The following VPS13B variants were observed in gnomAD, a reference collection of about 807,000 sequenced individuals.
VPS13B encodes the protein intermembrane lipid transfer protein VPS13B.
In VPS13B, 285 loss-of-function variants were observed where a neutral mutation model predicts 426.4. The ratio of observed to expected loss-of-function variants is 0.67; its 90% confidence interval spans 0.61 to 0.74. The LOEUF (loss-of-function observed/expected upper bound fraction) is 0.74. VPS13B is among the 30% of genes least tolerant of loss of function. VPS13B has a pLI of 0.00. For synonymous variants in VPS13B, 1,676 were observed against 1,676.4 expected (o/e 1.00, Z 0.01); for missense variants, 4,537 against 4,782.6 (o/e 0.95, Z 1.51).
intron 19 of VPS13B, among the ~76,000 whole-genome samples, chr8:99,344,012 T>C (rs1177071015): frequency 6.6e-6 from 1 of 152,198 alleles, no homozygotes; most frequent in Non-Finnish European, 1.5e-5. Flanking sequence ...CAAAACGGTC[T>C]TGACCAAAAA....
intron 23 of VPS13B, among the ~76,000 whole-genome samples, chr8:99,452,326 G>A (rs192891127): frequency 3.9e-5 from 6 of 152,222 alleles, no homozygotes; most frequent in Admixed American, 1.3e-4. Flanking sequence ...CTCCAACTCT[G>A]TGCTGTCTTT....
chr8:99,466,802 C>A (rs1819133488), intron 23 of VPS13B, among the ~76,000 whole-genome samples: 1 of 152,140 alleles, frequency 6.6e-6, no homozygotes, highest in Admixed American at 6.6e-5. Context: ...TTTAAACCAG[C>A]ATCCCACATG....
At chr8:99,101,294 G>T (rs559978664) in intron 4 of VPS13B, among the ~76,000 whole-genome samples, 1 of 152,098 alleles carries the variant, frequency 6.6e-6, no homozygotes, top group South Asian at 2.1e-4. Context: ...ACCACGCCCG[G>T]CTAATTTTTT....
chr8:99,137,693 C>G (rs1446847777), intron 12 of VPS13B, among the ~76,000 whole-genome samples: 1 of 152,092 alleles, frequency 6.6e-6, no homozygotes, highest in Non-Finnish European at 1.5e-5. Context: ...ATTGGTCAAT[C>G]CTTAATTTCT....
chr8:99,802,376 C>G (rs1162937115), intron 43 of VPS13B, among the ~76,000 whole-genome samples: 1 of 152,068 alleles, frequency 6.6e-6, no homozygotes, highest in African/African-American at 2.4e-5. Context: ...GGAGGTTGAA[C>G]TTGAATTTTT....
At chr8:99,367,593 A>G (rs1812961323) in intron 19 of VPS13B, among the ~76,000 whole-genome samples, 2 of 152,142 alleles carry the variant, frequency 1.3e-5, no homozygotes, top group Non-Finnish European at 2.9e-5. Context: ...CTACACCTAT[A>G]TCTCTCCCTG....
At chr8:99,303,770 TGTGATTGTGTGTTGCTGTGGTTCA>T (rs1377052138) in intron 19 of VPS13B, among the ~76,000 whole-genome samples, 1 of 150,840 alleles carries the variant, frequency 6.6e-6, no homozygotes, top group Non-Finnish European at 1.5e-5. Context: ...GTTTCTTTCT[TGTGATTGTGTGTTGCTGTGGTTCA>T]GTGATTGTGT....
intron 3 of VPS13B, among the ~76,000 whole-genome samples, chr8:99,048,902 A>G (rs1843372843): frequency 6.6e-6 from 1 of 151,358 alleles, no homozygotes; most frequent in South Asian, 2.1e-4. Flanking sequence ...ATAGCCTTTT[A>G]TCATTATATA....
chr8:99,148,900 G>A (rs1810902872), intron 14 of VPS13B, among the ~76,000 whole-genome samples: 1 of 152,240 alleles, frequency 6.6e-6, no homozygotes, highest in Admixed American at 6.5e-5. Flanking sequence ...TATGTGGAAA[G>A]CCCATAACTC....
intron 19 of VPS13B, among the ~76,000 whole-genome samples, chr8:99,331,346 T>C (rs959639328): frequency 6.6e-6 from 1 of 151,800 alleles, no homozygotes; most frequent in African/African-American, 2.4e-5. Flanking sequence ...AGCTACTACA[T>C]TGACAGGTAA....
At chr8:99,696,730 G>T in intron 35 of VPS13B, 2 of 1,003,084 alleles carry the variant, frequency 2.0e-6, no homozygotes, top group Non-Finnish European at 3.2e-6. Context: ...TTTCCCAGAA[G>T]ATCCGGGGGA....
intron 3 of VPS13B, among the ~76,000 whole-genome samples, chr8:99,066,723 G>C (rs896237914): frequency 1.3e-5 from 2 of 152,158 alleles, no homozygotes; most frequent in African/African-American, 2.4e-5. Context: ...GCAACCTACA[G>C]AATAGGAGAA....
chr8:99,236,599 A>G (rs920861159), intron 17 of VPS13B, among the ~76,000 whole-genome samples: 1 of 152,196 alleles, frequency 6.6e-6, no homozygotes, highest in African/African-American at 2.4e-5. Flanking sequence ...TAATGACTTT[A>G]AAGTTTGAAA....
At chr8:99,690,313 T>G (rs1354310239) in intron 35 of VPS13B, among the ~76,000 whole-genome samples, 1 of 152,196 alleles carries the variant, frequency 6.6e-6, no homozygotes, top group African/African-American at 2.4e-5. Context: ...TCAGGAAAGA[T>G]CGTAGACTTA....
chr8:99,028,894 T>C (rs1842326820), intron 2 of VPS13B, among the ~76,000 whole-genome samples: 1 of 55,096 alleles, frequency 1.8e-5, no homozygotes, highest in African/African-American at 8.1e-5. Context: ...CCCACCTCCC[T>C]CCCGGACGGG....
At chr8:99,163,566 G>A (rs1811807726) in intron 15 of VPS13B, among the ~76,000 whole-genome samples, 1 of 152,242 alleles carries the variant, frequency 6.6e-6, no homozygotes, top group African/African-American at 2.4e-5. Flanking sequence ...CTAAGGCCCG[G>A]CGAGAAATCG....
chr8:99,710,463 A>G (rs1832665957), intron 36 of VPS13B, among the ~76,000 whole-genome samples: 1 of 152,132 alleles, frequency 6.6e-6, no homozygotes, highest in South Asian at 2.1e-4. Flanking sequence ...ATGTGTGGTA[A>G]TATATAAGAT....
At chr8:99,088,056 CA>C (rs1257418389) in intron 3 of VPS13B, among the ~76,000 whole-genome samples, 1 of 151,696 alleles carries the variant, frequency 6.6e-6, no homozygotes. Flanking sequence ...TGGTGGCATG[CA>C]CGTGTAATCC....
At chr8:99,487,540 A>G (rs993768323) in intron 25 of VPS13B, among the ~76,000 whole-genome samples, 3 of 152,172 alleles carry the variant, frequency 2.0e-5, no homozygotes, top group African/African-American at 7.2e-5. Flanking sequence ...CATAACCACT[A>G]TCTATTTCTA....
Sources: allele counts gnomAD v4.1 joint callset (sites outside exome capture counted in the v4.1 genomes callset), GRCh38; gene constraint gnomAD v4.1.1; transcripts MANE v1.5; gene names NCBI Gene and HGNC (gene_info 2026-07-23, HGNC 2026-07-21).